Variants in ALPK1 observed in about 807,000 individuals in gnomAD.
ALPK1 encodes alpha-protein kinase 1.
Under a neutral mutation model 120.6 loss-of-function variants are expected in ALPK1, and 110 were observed. That is an observed-to-expected ratio of 0.91 (90% CI 0.78 to 1.07). The LOEUF (loss-of-function observed/expected upper bound fraction) is 1.07. ALPK1 is among the 50% of genes least tolerant of loss of function. The pLI, the probability that ALPK1 is intolerant of heterozygous loss-of-function variation, is 0.00. For missense variants in ALPK1, 1,498 were observed against 1,483.9 expected, an observed-to-expected ratio of 1.01 and a Z score of -0.16; for synonymous variants, 582 against 560.3, an observed-to-expected ratio of 1.04 and a Z score of -0.55.
chr4:112,406,558 C>T (rs1263840211), intron 4 of ALPK1, among the ~76,000 whole-genome samples: 2 of 152,178 alleles, frequency 1.3e-5, no homozygotes, highest in East Asian at 3.8e-4. Flanking sequence ...TCTCTCTGAC[C>T]TTCTCCTGCT....
intron 2 of ALPK1, among the ~76,000 whole-genome samples, chr4:112,361,832 C>T (rs1424724179): frequency 6.6e-6 from 1 of 152,232 alleles, no homozygotes; most frequent in African/African-American, 2.4e-5. Context: ...TCACTGAGTC[C>T]ACTTCATTCC....
At chr4:112,351,959 C>T (rs1730380289) in intron 2 of ALPK1, among the ~76,000 whole-genome samples, 1 of 152,158 alleles carries the variant, frequency 6.6e-6, no homozygotes, top group East Asian at 1.9e-4. Context: ...ATGTCATTCT[C>T]CAACTAGAAT....
At position 112,430,669 on chromosome 4, in the gene ALPK1, G is replaced by C. The variant is rs571059148; in HGVS notation, c.1122G>C (p.Thr374=). The change falls in exon 11 of 16, where the codon ACG becomes ACC. Residue 374 remains threonine (T), a synonymous_variant. Coordinates refer to ENST00000650871, the MANE Select transcript of ALPK1 (RefSeq NM_025144.4). ...VHRRLHGETG[T]VHAASQLCKE... ...GAAGGCTCCATGGGGAGACAGGGAC[G>C]GTCCATGCAGCAAGTCAGCTCTGTA... The C allele has an allele frequency of 3.1e-6, 5 of 1,614,022 alleles. No homozygotes were observed. Among genetic ancestry groups the C allele is most frequent in the Non-Finnish European group, 4.2e-6 (5 of 1,180,032 alleles).
intron 1 of ALPK1, among the ~76,000 whole-genome samples, chr4:112,309,227 C>A (rs1178521152): frequency 7.2e-5 from 11 of 152,146 alleles, no homozygotes; most frequent in Non-Finnish European, 1.6e-4. Flanking sequence ...TCTGTCTGTT[C>A]TCAGATCTCA....
chr4:112,323,418 C>A (rs1244860734), intron 2 of ALPK1, among the ~76,000 whole-genome samples: 1 of 152,156 alleles, frequency 6.6e-6, no homozygotes, highest in African/African-American at 2.4e-5. Context: ...CCCTAAAATT[C>A]CAGAACTATG....
At chr4:112,381,009 C>T (rs150737273) in intron 3 of ALPK1, among the ~76,000 whole-genome samples, 6 of 152,274 alleles carry the variant, frequency 3.9e-5, no homozygotes, top group Non-Finnish European at 7.3e-5. Flanking sequence ...TGAATTTGGT[C>T]ACAAGGCACT....
At chr4:112,362,082 G>T (rs1232723996) in intron 2 of ALPK1, among the ~76,000 whole-genome samples, 1 of 152,202 alleles carries the variant, frequency 6.6e-6, no homozygotes, top group African/African-American at 2.4e-5. Flanking sequence ...AAAAGAACCT[G>T]AACAGCAGAT....
In ALPK1 at chr4:112,329,125, T is replaced by C. The variant is rs17589724; in HGVS notation, c.-101+13273T>C. On this transcript the variant is annotated intron_variant, in intron 2 of 15. Coordinates refer to ENST00000650871, the MANE Select transcript of ALPK1 (RefSeq NM_025144.4). ...ATATAGTAGGTACCTATGAAAATGT[T>C]GAATGAATGAAAGAATAAATATACA... 8.5e-3 allele frequency among the ~76,000 whole-genome samples: 1,300 copies of C among 152,218 alleles called. 43 individuals are homozygous for C. The East Asian group carries it at 0.099, about 12-fold the overall frequency.
chr4:112,411,441 T>A (rs566303684), intron 4 of ALPK1, among the ~76,000 whole-genome samples: 1 of 152,074 alleles, frequency 6.6e-6, no homozygotes, highest in South Asian at 2.1e-4. Context: ...GCCAGGCTGG[T>A]CTCAAAATCC....
At chr4:112,327,987 C>T (rs984183822) in intron 2 of ALPK1, among the ~76,000 whole-genome samples, 1 of 152,186 alleles carries the variant, frequency 6.6e-6, no homozygotes, top group Non-Finnish European at 1.5e-5. Context: ...ATAGGAGGCA[C>T]ACGTGAATTC....
intron 2 of ALPK1, among the ~76,000 whole-genome samples, chr4:112,324,183 A>C (rs1016505545): frequency 6.6e-6 from 1 of 151,954 alleles, no homozygotes; most frequent in Non-Finnish European, 1.5e-5. Flanking sequence ...AAAAATTAGC[A>C]GGGCATGGTG....
In ALPK1 at chr4:112,440,948, C is replaced by G. The variant is rs752490209; in HGVS notation, c.3570C>G (p.Ile1190Met). The change falls in exon 15 of 16, where the codon ATC becomes ATG. Residue 1190 changes from isoleucine to methionine, a missense_variant. Ile to Met is a conservative substitution (Grantham distance 10). Transcript: ENST00000650871. Reference sequence around the variant, plus strand: ...TAACCGGTAATGGAAAAGGACTCATCTACCTCACAGATCCCCAGATTCACT... The same window carrying G: ...TAACCGGTAATGGAAAAGGACTCATGTACCTCACAGATCCCCAGATTCACT... The part of the protein sequence containing the change: ...GWVTGNGKGL[I>M]YLTDPQIHSV... The G allele has an allele frequency of 1.9e-6, 3 of 1,613,420 alleles. No individual in the cohort carries two copies. The East Asian group carries it at 6.7e-5, about 36-fold the overall frequency.
intron 4 of ALPK1, among the ~76,000 whole-genome samples, chr4:112,404,428 G>C (rs1458915908): frequency 1.3e-5 from 2 of 152,162 alleles, no homozygotes; most frequent in East Asian, 3.9e-4. Context: ...CACCACAAAT[G>C]AATATTATCC....
At chr4:112,378,063 G>A (rs1025672164) in intron 3 of ALPK1, among the ~76,000 whole-genome samples, 165 bp downstream of exon 3, 5 of 151,702 alleles carry the variant, frequency 3.3e-5, no homozygotes, top group South Asian at 2.1e-4. Context: ...GGCTGCGGGC[G>A]GACGGGCAGG....
At chr4:112,424,611 C>G (rs187609294) in intron 6 of ALPK1, among the ~76,000 whole-genome samples, 205 of 152,300 alleles carry the variant, frequency 1.3e-3, no homozygotes, top group Non-Finnish European at 2.4e-3. Flanking sequence ...TTCCATTGGA[C>G]TTTTAAACTC....
At chr4:112,420,756 TTCGCC>T (rs1181918851) in intron 5 of ALPK1, among the ~76,000 whole-genome samples, 1 of 152,168 alleles carries the variant, frequency 6.6e-6, no homozygotes, top group African/African-American at 2.4e-5. Flanking sequence ...TTGAGAATGG[TTCGCC>T]TCAGCTTTTG....
At chr4:112,334,306 G>T (rs1269053548) in intron 2 of ALPK1, among the ~76,000 whole-genome samples, 3 of 151,862 alleles carry the variant, frequency 2.0e-5, no homozygotes, top group Non-Finnish European at 4.4e-5. Context: ...GGTGGCATGC[G>T]CCTGTAGTCC....
intron 12 of ALPK1, among the ~76,000 whole-genome samples, chr4:112,436,377 G>GT (rs2148766242): frequency 6.6e-6 from 1 of 152,304 alleles, no homozygotes; most frequent in African/African-American, 2.4e-5. Flanking sequence ...TGTCTAAGCA[G>GT]TAGGGGCATG....
intron 4 of ALPK1, 84 bp downstream of exon 4, chr4:112,382,636 T>C (rs779664154): frequency 2.5e-6 from 4 of 1,595,416 alleles, no homozygotes; most frequent in East Asian, 2.2e-5. Context: ...TTAAATTTCT[T>C]TGAAGCACAA....
Sources: allele counts gnomAD v4.1 joint callset (sites outside exome capture counted in the v4.1 genomes callset), GRCh38; gene constraint gnomAD v4.1.1; transcripts MANE v1.5; gene names NCBI Gene and HGNC (gene_info 2026-07-23, HGNC 2026-07-21).